The following SYNPO variants were observed in gnomAD, a reference collection of about 807,000 sequenced individuals.
SYNPO encodes synaptopodin.
Under a neutral mutation model 49.5 loss-of-function variants are expected in SYNPO, and 19 were observed. That is an observed-to-expected ratio of 0.38 (90% CI 0.27 to 0.56). The LOEUF is 0.56. SYNPO is among the 20% of genes least tolerant of loss of function. The probability of loss-of-function intolerance (pLI) is 0.68; values close to 1 mark genes in which losing one functional copy is unlikely to be tolerated. For synonymous variants in SYNPO, 536 were observed against 548.0 expected, an observed-to-expected ratio of 0.98 and a Z score of 0.31; for missense variants, 1,131 against 1,248.3, an observed-to-expected ratio of 0.91 and a Z score of 1.42.
chr5:150,643,782 C>T (rs1273379785), intron 1 of SYNPO, among the ~76,000 whole-genome samples: 4 of 152,126 alleles, frequency 2.6e-5, no homozygotes, highest in Non-Finnish European at 4.4e-5. Flanking sequence ...ATCCACCTGC[C>T]TTGGCCCCCC....
At chr5:150,616,463 T>C (rs1199858034) in intron 1 of SYNPO, among the ~76,000 whole-genome samples, 1 of 152,224 alleles carries the variant, frequency 6.6e-6, no homozygotes, top group Non-Finnish European at 1.5e-5. Flanking sequence ...TCCTCCCAAG[T>C]GTAATTGGCC....
At chr5:150,620,946 T>TTTCTTTCTTTCTTTCTTTC (rs780412043) in intron 2 of SYNPO, among the ~76,000 whole-genome samples, 1 of 65,840 alleles carries the variant, frequency 1.5e-5, no homozygotes, top group Admixed American at 1.6e-4. Context: ...TCTTTCTTTC[T>TTTCTTTCTTTCTTTCTTTC]TTTCTTTTCT....
At chr5:150,598,066 A>G (rs1250113711), upstream of SYNPO, among the ~76,000 whole-genome samples, 1 of 152,052 alleles carries the variant, frequency 6.6e-6, no homozygotes, top group Non-Finnish European at 1.5e-5. Flanking sequence ...CAGTAGTGGG[A>G]TCTTGCCTGT....
intron 1 of SYNPO, among the ~76,000 whole-genome samples, chr5:150,602,339 T>G (rs1193477321): frequency 6.6e-6 from 1 of 152,202 alleles, no homozygotes; most frequent in Non-Finnish European, 1.5e-5. Flanking sequence ...TGGGCCAGGA[T>G]AGTGTTTTCC....
At chr5:150,636,794 C>T (rs114186611), upstream of SYNPO, among the ~76,000 whole-genome samples, 1,783 of 15,204 alleles carry the variant, frequency 0.12, 41 homozygotes, top group African/African-American at 0.28. Flanking sequence ...AGAGAGAACG[C>T]GGGGTGGGGG....
At chr5:150,606,674 A>AGTGACCT (rs1161894788) in intron 1 of SYNPO, among the ~76,000 whole-genome samples, 1 of 152,218 alleles carries the variant, frequency 6.6e-6, no homozygotes, top group Admixed American at 6.5e-5. Flanking sequence ...AGGGAGGGAA[A>AGTGACCT]GTGACCTGCC....
intron 2 of SYNPO, among the ~76,000 whole-genome samples, chr5:150,630,575 A>C (rs1242828655): frequency 6.6e-6 from 1 of 152,178 alleles, no homozygotes; most frequent in East Asian, 1.9e-4. Context: ...CACGGAGAAC[A>C]AGCATGCCAC....
chr5:150,592,655 C>G, the SYNPO span, among the ~76,000 whole-genome samples: 2 of 152,164 alleles, frequency 1.3e-5, no homozygotes, highest in Non-Finnish European at 2.9e-5. Context: ...TCTTGGAGCC[C>G]GAGCACCCTT....
chr5:150,587,798 G>A, the SYNPO span, among the ~76,000 whole-genome samples: 1 of 152,182 alleles, frequency 6.6e-6, no homozygotes, highest in African/African-American at 2.4e-5. Flanking sequence ...AACAGCCTCT[G>A]GAAAAGGGGC....
At chr5:150,623,737 C>T (rs1018564093) in intron 2 of SYNPO, among the ~76,000 whole-genome samples, 4 of 152,212 alleles carry the variant, frequency 2.6e-5, no homozygotes, top group African/African-American at 9.6e-5. Flanking sequence ...GTGGGGTGGG[C>T]TTACGCTAGC....
At chr5:150,634,128 C>A (rs1000920877) in intron 2 of SYNPO, among the ~76,000 whole-genome samples, 1 of 152,154 alleles carries the variant, frequency 6.6e-6, no homozygotes, top group African/African-American at 2.4e-5. Flanking sequence ...CCAGTGGGTT[C>A]CCAACCTGGC....
At chr5:150,618,810 G>T in intron 2 of SYNPO, 1 of 1,549,908 alleles carries the variant, frequency 6.5e-7, no homozygotes, top group Non-Finnish European at 8.7e-7. Flanking sequence ...AGAGTCACTG[G>T]AGACCCCCCA....
At chr5:150,614,353 T>G (rs985055047) in intron 1 of SYNPO, among the ~76,000 whole-genome samples, 1 of 152,138 alleles carries the variant, frequency 6.6e-6, no homozygotes, top group Non-Finnish European at 1.5e-5. Context: ...AGCCAACAGT[T>G]GGAGCCCTGG....
At chr5:150,626,267 G>A (rs781469136) in intron 2 of SYNPO, among the ~76,000 whole-genome samples, 23 of 152,332 alleles carry the variant, frequency 1.5e-4, no homozygotes, top group Admixed American at 5.2e-4. Flanking sequence ...CCTCAGGGGA[G>A]TTGAAAACCC....
intron 2 of SYNPO, chr5:150,651,768 T>C: frequency 2.0e-6 from 2 of 1,000,392 alleles, no homozygotes; most frequent in South Asian, 9.4e-5. Context: ...TGTGTGTCTG[T>C]AGGTCTCAGT....
upstream of SYNPO, among the ~76,000 whole-genome samples, chr5:150,598,372 G>A (rs561919158): frequency 1.3e-4 from 20 of 152,308 alleles, no homozygotes; most frequent in East Asian, 9.6e-4. Flanking sequence ...CTGTGCTGCC[G>A]TGAAGGGCAT....
chr5:150,621,213 A>G (rs1757162519), intron 2 of SYNPO, among the ~76,000 whole-genome samples: 1 of 152,092 alleles, frequency 6.6e-6, no homozygotes, highest in South Asian at 2.1e-4. Flanking sequence ...TCGGCCTCCC[A>G]AAGTGCTGGG....
At chr5:150,645,823 T>C (rs954158472) in intron 1 of SYNPO, among the ~76,000 whole-genome samples, 4 of 152,210 alleles carry the variant, frequency 2.6e-5, no homozygotes, top group African/African-American at 9.7e-5. Flanking sequence ...CATTGTGGTC[T>C]TGTGCAGATA....
chr5:150,606,583 G>C (rs1032816186), intron 1 of SYNPO, among the ~76,000 whole-genome samples: 1 of 152,214 alleles, frequency 6.6e-6, no homozygotes, highest in Non-Finnish European at 1.5e-5. Flanking sequence ...GCTCTGCGCC[G>C]GGCATGGGGA....
Sources: gnomAD v4.1 joint callset for allele counts (sites outside exome capture counted in the v4.1 genomes callset) on GRCh38, gnomAD v4.1.1 for gene constraint, MANE v1.5 for transcripts, NCBI Gene and HGNC (gene_info 2026-07-23, HGNC 2026-07-21) for gene names.